Variants in DOCK2 observed in about 807,000 individuals in gnomAD.
DOCK2 encodes the protein dedicator of cytokinesis 2.
In DOCK2, 87 loss-of-function variants were observed where a neutral mutation model predicts 248.9. That is an observed-to-expected ratio of 0.35 (90% CI 0.29 to 0.42). DOCK2 has a LOEUF of 0.42. DOCK2 is among the 10% of genes least tolerant of loss of function. The pLI is 1.00. For missense variants in DOCK2, 1,747 were observed against 2,300.2 expected, an observed-to-expected ratio of 0.76 and a Z score of 4.92; for synonymous variants, 805 against 821.6, an observed-to-expected ratio of 0.98 and a Z score of 0.35.
chr5:169,689,145 C>G (rs1760151108), intron 8 of DOCK2, 107 bp from the exon 9 acceptor site: 2 of 1,020,296 alleles, frequency 2.0e-6, no homozygotes, highest in Admixed American at 2.0e-5. Flanking sequence ...TGCATACCCC[C>G]AGCAGCCAGT....
intron 27 of DOCK2, among the ~76,000 whole-genome samples, chr5:169,909,439 GT>G (rs955897690): frequency 2.6e-5 from 4 of 152,136 alleles, no homozygotes; most frequent in African/African-American, 9.7e-5. Flanking sequence ...AAAAATCTAA[GT>G]TTTTTCTTTT....
intron 2 of DOCK2, among the ~76,000 whole-genome samples, chr5:169,664,778 A>G (rs1396374843): frequency 1.3e-5 from 2 of 152,178 alleles, no homozygotes; most frequent in African/African-American, 4.8e-5. Context: ...CTCCTCTGAC[A>G]TAAGGGGATT....
At chr5:169,815,519 G>A (rs1267536642) in intron 26 of DOCK2, among the ~76,000 whole-genome samples, 1 of 152,184 alleles carries the variant, frequency 6.6e-6, no homozygotes, top group Admixed American at 6.5e-5. Context: ...GTGAGGCATG[G>A]CCTGGGAGGA....
At chr5:169,801,873 C>T (rs1341050783) in intron 25 of DOCK2, among the ~76,000 whole-genome samples, 3 of 151,164 alleles carry the variant, frequency 2.0e-5, no homozygotes, top group African/African-American at 4.9e-5. Context: ...TGGGCAGAAC[C>T]ACATCTTATC....
chr5:169,897,079 ATATT>A (rs1279023113), intron 27 of DOCK2, among the ~76,000 whole-genome samples: 3 of 152,220 alleles, frequency 2.0e-5, no homozygotes, highest in Admixed American at 1.3e-4. Flanking sequence ...TATCATAAGA[ATATT>A]TATTATGAAT....
At chr5:169,789,766 C>T (rs1053028262) in intron 25 of DOCK2, among the ~76,000 whole-genome samples, 1 of 152,198 alleles carries the variant, frequency 6.6e-6, no homozygotes, top group Non-Finnish European at 1.5e-5. Flanking sequence ...CAGGCAAGAG[C>T]CCCTGCCTCA....
chr5:169,760,973 T>C (rs1764452349), intron 24 of DOCK2, among the ~76,000 whole-genome samples: 1 of 152,216 alleles, frequency 6.6e-6, no homozygotes, highest in Non-Finnish European at 1.5e-5. Flanking sequence ...CCTTTTGATG[T>C]CCCAAACTGG....
chr5:170,034,804 C>T (rs1337450993), intron 35 of DOCK2, among the ~76,000 whole-genome samples: 1 of 152,190 alleles, frequency 6.6e-6, no homozygotes, highest in Non-Finnish European at 1.5e-5. Flanking sequence ...GCACTCAACA[C>T]ATCACATGGA....
At chr5:169,713,688 T>C (rs933387565) in intron 17 of DOCK2, among the ~76,000 whole-genome samples, 3 of 152,232 alleles carry the variant, frequency 2.0e-5, no homozygotes, top group African/African-American at 7.2e-5. Flanking sequence ...GCTAGAGTCC[T>C]TATTTTGCTG....
chr5:170,082,666 C>A, intron 51 of DOCK2, 130 bp from the exon 52 acceptor site: 1 of 1,150,946 alleles, frequency 8.7e-7, no homozygotes, highest in Non-Finnish European at 1.2e-6. Context: ...AAGGGCATAG[C>A]AGCTCACATT....
At chr5:169,759,861 A>G (rs1561670144) in intron 24 of DOCK2, 86 bp downstream of exon 24, 7 of 1,446,284 alleles carry the variant, frequency 4.8e-6, no homozygotes, top group African/African-American at 1.4e-5. Context: ...GGAGCTCCAG[A>G]TGGGCACTCA....
At chr5:169,850,919 T>A (rs1770590161) in intron 27 of DOCK2, among the ~76,000 whole-genome samples, 1 of 152,212 alleles carries the variant, frequency 6.6e-6, no homozygotes, top group Non-Finnish European at 1.5e-5. Flanking sequence ...GCCCTATGCC[T>A]TCTTGCAGTC....
chr5:169,731,464 C>G (rs920681363), intron 22 of DOCK2, among the ~76,000 whole-genome samples: 1 of 152,136 alleles, frequency 6.6e-6, no homozygotes, highest in African/African-American at 2.4e-5. Context: ...TGCCTTTCCC[C>G]GTGATTGTGA....
Position 169,671,147 on chromosome 5 carries a change from G to C in DOCK2, c.294G>C (p.Trp98Cys), listed in dbSNP as rs1355289201. The C allele has an allele frequency of 6.2e-7, 1 of 1,614,002 alleles. No homozygotes were observed. Among genetic ancestry groups the C allele is most frequent in the Non-Finnish European group, 8.5e-7 (1 of 1,179,946 alleles). Residue 98 changes from tryptophan (W) to cysteine (C), a missense_variant, in exon 5 of 52, where the codon TGG becomes TGC. Physicochemically the swap from Trp to Cys is radical, Grantham distance 215. Around this residue, in one of 4 missense-constraint regions of DOCK2, gnomAD observed 375 missense variants for 510.9 expected, o/e 0.73. Transcript: ENST00000520908. Reference sequence around the variant, plus strand: ...AAGTGACAACGACACTTTGGGAATGGGGAAGCATCTGGAAACAACTCTATG... The same window carrying C: ...AAGTGACAACGACACTTTGGGAATGCGGAAGCATCTGGAAACAACTCTATG... Reference protein sequence around the residue: ...AQEVTTTLWEWGSIWKQLYVA... With the variant: ...AQEVTTTLWECGSIWKQLYVA...
At chr5:169,728,848 G>T (rs1357905486) in intron 22 of DOCK2, among the ~76,000 whole-genome samples, 4 of 152,134 alleles carry the variant, frequency 2.6e-5, no homozygotes, top group Non-Finnish European at 5.9e-5. Context: ...GTAAGACACT[G>T]GTCTTGTCTG....
intron 27 of DOCK2, among the ~76,000 whole-genome samples, chr5:169,851,010 T>C (rs376900681): frequency 3.9e-5 from 6 of 152,324 alleles, no homozygotes; most frequent in African/African-American, 1.4e-4. Flanking sequence ...ACCACATGTA[T>C]TGGAATTTTC....
chr5:170,005,447 C>A (rs1320771982), intron 30 of DOCK2, among the ~76,000 whole-genome samples: 1 of 152,110 alleles, frequency 6.6e-6, no homozygotes, highest in African/African-American at 2.4e-5. Flanking sequence ...ACAGGGCATA[C>A]AAATACTCTA....
At chr5:169,829,097 G>A (rs1464075894) in intron 26 of DOCK2, among the ~76,000 whole-genome samples, 3 of 152,120 alleles carry the variant, frequency 2.0e-5, no homozygotes, top group Admixed American at 6.6e-5. Context: ...TTTGCGATTG[G>A]ATGGGGGAGA....
In DOCK2 at chr5:169,678,852, G is replaced by T. The variant is rs531998882; in HGVS notation, c.471-2892G>T. ...GGGCAAGAAGGTTGGAGGACATGGG[G>T]GTGGGAGTCAGGGTGGGGATGACAA... On this transcript the variant is annotated intron_variant, in intron 6 of 51. Transcript: ENST00000520908. Among the ~76,000 whole-genome samples the T allele has an allele frequency of 5.9e-5, 9 of 152,190 alleles. No individual in the cohort carries two copies. The South Asian group carries it at 1.0e-3, about 18-fold the overall frequency.
Sources: allele counts gnomAD v4.1 joint callset (sites outside exome capture counted in the v4.1 genomes callset), GRCh38; gene constraint gnomAD v4.1.1; regional missense constraint gnomAD v4.1.1; transcripts MANE v1.5; gene names NCBI Gene and HGNC (gene_info 2026-07-23, HGNC 2026-07-21).